Variants in ATE1 observed in about 807,000 individuals in gnomAD.
The protein encoded by ATE1 is arginyltransferase 1.
ATE1 carries 36 observed loss-of-function variants against 70.5 expected under a neutral mutation model. The observed-to-expected ratio is 0.51, with a 90% CI of 0.39 to 0.67. The LOEUF is 0.67. Among genes scored for constraint, ATE1 ranks in the 30% least tolerant of loss-of-function variants. The pLI, the probability that ATE1 is intolerant of heterozygous loss-of-function variation, is 0.00. For missense variants in ATE1, 593 were observed against 629.5 expected (o/e 0.94, Z 0.62); for synonymous variants, 232 against 219.3 (o/e 1.06, Z -0.51).
chr10:121,854,742 G>A (rs1949183279), intron 8 of ATE1, among the ~76,000 whole-genome samples: 1 of 152,252 alleles, frequency 6.6e-6, no homozygotes, highest in Non-Finnish European at 1.5e-5. Flanking sequence ...TTCAAACACA[G>A]AAACACCCTA....
chr10:121,850,031 G>A (rs942057177), intron 8 of ATE1, among the ~76,000 whole-genome samples: 5 of 152,060 alleles, frequency 3.3e-5, no homozygotes, highest in Non-Finnish European at 7.4e-5. Flanking sequence ...CCTTACTGAA[G>A]AATCAATACA....
intron 11 of ATE1, among the ~76,000 whole-genome samples, chr10:121,785,276 A>T (rs1946159231): frequency 6.6e-6 from 1 of 152,184 alleles, no homozygotes; most frequent in Non-Finnish European, 1.5e-5. Flanking sequence ...ATTATTAGTC[A>T]TGAGTTATTA....
intron 10 of ATE1, among the ~76,000 whole-genome samples, chr10:121,817,307 A>G (rs535506626): frequency 5.9e-5 from 9 of 152,102 alleles, no homozygotes; most frequent in Middle Eastern, 3.2e-3. Context: ...TTGGGAGGCC[A>G]AGGCGGGCGG....
At chr10:121,921,842 T>C (rs1369520299) in intron 3 of ATE1, among the ~76,000 whole-genome samples, 1 of 152,192 alleles carries the variant, frequency 6.6e-6, no homozygotes, top group Non-Finnish European at 1.5e-5. Context: ...TTGAGTCAGC[T>C]GGGCCTAAGT....
In ATE1 at chr10:121,900,116, T is replaced by G. The variant is rs1032028829; in HGVS notation, c.814-122A>C. 8.3e-6 allele frequency: 9 copies of G among 1,090,350 alleles called. No individual in the cohort carries two copies. The African/African-American group carries it at 1.3e-4, about 15-fold the overall frequency. 67.5% of individuals were successfully genotyped at this position (1,090,350 alleles called of 1,614,324 possible). Reference sequence around the variant, plus strand: ...TTCAACAATTATTAAAGCACCTAAATATTTTAATATTAAAAACCAACCAGT... The same window carrying G: ...TTCAACAATTATTAAAGCACCTAAAGATTTTAATATTAAAAACCAACCAGT... On this transcript the variant is annotated intron_variant, in intron 6 of 11. Coordinates refer to ENST00000224652, the MANE Select transcript of ATE1 (RefSeq NM_001001976.3).
At chr10:121,862,954 T>C (rs751378940) in intron 8 of ATE1, among the ~76,000 whole-genome samples, 8 of 152,032 alleles carry the variant, frequency 5.3e-5, no homozygotes, top group Non-Finnish European at 1.2e-4. Context: ...GGGGTATACA[T>C]ATAGCTAGCC....
chr10:121,792,808 A>C (rs1464207044), intron 10 of ATE1, among the ~76,000 whole-genome samples: 1 of 152,166 alleles, frequency 6.6e-6, no homozygotes, highest in Non-Finnish European at 1.5e-5. Flanking sequence ...AAAAGGCTAA[A>C]TATAAAAGCT....
At position 121,826,595 on chromosome 10, in the gene ATE1, G is replaced by A. The variant is rs569804348; in HGVS notation, c.1257+10123C>T. ...GCTGGGATTACAGGCATGAGCCACC[G>A]CACCTAGCAACAATAATTTTTTTCC... On this transcript the variant is annotated intron_variant, in intron 10 of 11. Transcript: ENST00000224652. 8.5e-5 allele frequency among the ~76,000 whole-genome samples: 13 copies of A among 152,182 alleles called. 1 individual carries two copies. Among genetic ancestry groups the A allele is most frequent in the African/African-American group, 3.1e-4 (13 of 41,532 alleles).
chr10:121,772,008 G>A (rs765102472), intron 11 of ATE1, among the ~76,000 whole-genome samples: 10 of 152,088 alleles, frequency 6.6e-5, no homozygotes, highest in African/African-American at 2.4e-4. Context: ...CAATATTCTC[G>A]TTGTTCTTTA....
intron 1 of ATE1, among the ~76,000 whole-genome samples, chr10:121,924,794 T>C (rs190002665): frequency 2.0e-5 from 3 of 152,142 alleles, no homozygotes; most frequent in African/African-American, 2.4e-5. Context: ...CAGCTGTTAG[T>C]TGGGCATACA....
At chr10:121,812,218 A>G (rs1200408019) in intron 10 of ATE1, among the ~76,000 whole-genome samples, 1 of 152,056 alleles carries the variant, frequency 6.6e-6, no homozygotes, top group Non-Finnish European at 1.5e-5. Context: ...GGCCTCCCAA[A>G]GTGCTGACAT....
chr10:121,869,369 T>C (rs1949772363), intron 8 of ATE1, among the ~76,000 whole-genome samples: 1 of 152,204 alleles, frequency 6.6e-6, no homozygotes, highest in Admixed American at 6.5e-5. Flanking sequence ...CATCTACAAG[T>C]TTTTCTGCAA....
chr10:121,764,395 G>C (rs997023666), intron 11 of ATE1, among the ~76,000 whole-genome samples: 1 of 151,108 alleles, frequency 6.6e-6, no homozygotes, highest in Non-Finnish European at 1.5e-5. Context: ...CCAACCCTTT[G>C]GGACGCCAAG....
intron 5 of ATE1, among the ~76,000 whole-genome samples, chr10:121,904,364 C>T (rs867935127): frequency 1.3e-5 from 2 of 151,026 alleles, no homozygotes; most frequent in Middle Eastern, 3.4e-3. Context: ...CAAAACAGCC[C>T]GGTGCAGTGG....
intron 10 of ATE1, among the ~76,000 whole-genome samples, chr10:121,799,211 C>T (rs989669875): frequency 6.6e-6 from 1 of 152,098 alleles, no homozygotes; most frequent in Non-Finnish European, 1.5e-5. Flanking sequence ...GCCCCAATAA[C>T]GTTCACAGCC....
At chr10:121,889,716 G>A (rs1950518694) in intron 7 of ATE1, among the ~76,000 whole-genome samples, 3 of 152,136 alleles carry the variant, frequency 2.0e-5, no homozygotes, top group Admixed American at 2.0e-4. Context: ...GGGAGACTGA[G>A]GCAGAAGGAT....
chr10:121,875,014 A>ATGGTGG, intron 7 of ATE1, among the ~76,000 whole-genome samples: 1 of 31,740 alleles, frequency 3.2e-5, no homozygotes, highest in Non-Finnish European at 6.7e-5. Flanking sequence ...TTAGCCGGGC[A>ATGGTGG]CGTAGTCCCA....
chr10:121,912,229 AT>A (rs936775296), intron 4 of ATE1, among the ~76,000 whole-genome samples: 6 of 152,152 alleles, frequency 3.9e-5, no homozygotes, highest in African/African-American at 1.4e-4. Flanking sequence ...TAGTTATTGC[AT>A]TTTGGTATCT....
intron 10 of ATE1, among the ~76,000 whole-genome samples, chr10:121,832,189 C>T (rs900460808): frequency 6.6e-6 from 1 of 152,064 alleles, no homozygotes; most frequent in Non-Finnish European, 1.5e-5. Context: ...TATTAGATTG[C>T]CATTAATTAT....
Sources: allele counts gnomAD v4.1 joint callset (sites outside exome capture counted in the v4.1 genomes callset), GRCh38; gene constraint gnomAD v4.1.1; transcripts MANE v1.5; gene names NCBI Gene and HGNC (gene_info 2026-07-23, HGNC 2026-07-21).